KCNH7: variants seen among roughly 807,000 people sequenced by gnomAD.
The protein encoded by KCNH7 is potassium voltage-gated channel subfamily H member 7, also known as voltage-gated inwardly rectifying potassium channel KCNH7.
Under a neutral mutation model 120.8 loss-of-function variants are expected in KCNH7, and 49 were observed. The ratio of observed to expected loss-of-function variants is 0.41; its 90% CI spans 0.32 to 0.51. The LOEUF (loss-of-function observed/expected upper bound fraction) is 0.51. KCNH7 is among the 20% of genes least tolerant of loss of function. The pLI, the probability that KCNH7 is intolerant of heterozygous loss-of-function variation, is 0.38. For synonymous variants in KCNH7, 547 were observed against 516.1 expected, an observed-to-expected ratio of 1.06 and a Z score of -0.81; for missense variants, 1,097 against 1,446.6, an observed-to-expected ratio of 0.76 and a Z score of 3.92.
chr2:162,387,911 T>C (rs78526662), intron 12 of KCNH7, among the ~76,000 whole-genome samples: 8 of 151,810 alleles, frequency 5.3e-5, no homozygotes, highest in Non-Finnish European at 1.2e-4. Flanking sequence ...GTTTACCATT[T>C]CTATTTGTCG....
intron 2 of KCNH7, among the ~76,000 whole-genome samples, chr2:162,695,547 C>A (rs1422590894): frequency 6.6e-6 from 1 of 152,186 alleles, no homozygotes; most frequent in Admixed American, 6.5e-5. Flanking sequence ...TGAGGAAAGT[C>A]ACTGGGCATC....
At chr2:162,664,268 G>T (rs1685063260) in intron 2 of KCNH7, among the ~76,000 whole-genome samples, 2 of 152,078 alleles carry the variant, frequency 1.3e-5, no homozygotes, top group South Asian at 4.1e-4. Flanking sequence ...TTTAATTTTA[G>T]AGGATTCTTA....
At chr2:162,445,885 A>G in intron 7 of KCNH7, 133 bp downstream of exon 7, 2 of 695,582 alleles carry the variant, frequency 2.9e-6, no homozygotes, top group Non-Finnish European at 4.7e-6. Flanking sequence ...ATTCTGTAGT[A>G]TCCCCAATTG....
At chr2:162,389,076 G>T (rs542304985) in intron 12 of KCNH7, among the ~76,000 whole-genome samples, 1 of 151,856 alleles carries the variant, frequency 6.6e-6, no homozygotes, top group Non-Finnish European at 1.5e-5. Context: ...CCATCTCTTC[G>T]GTTGTTACAG....
chr2:162,401,364 C>G (rs964600204), intron 9 of KCNH7, among the ~76,000 whole-genome samples: 2 of 151,836 alleles, frequency 1.3e-5, no homozygotes, highest in African/African-American at 4.8e-5. Context: ...CCTACCAGTA[C>G]AAGCAGACTC....
chr2:162,620,896 C>T lies in KCNH7; in HGVS notation c.308-83816G>A, dbSNP rs80093065. Among the ~76,000 whole-genome samples, 701 of 152,136 alleles carry T rather than the reference C, an allele frequency of 4.6e-3. 7 individuals carry two copies. The highest frequency in any genetic ancestry group is 0.016 in the African/African-American group (671 of 41,522). On this transcript the variant is annotated intron_variant, in intron 2 of 15. Coordinates refer to ENST00000332142, the MANE Select transcript of KCNH7 (RefSeq NM_033272.4). ...CCTAGCATAAGTATGACAGATTATC[C>T]GAACTGGGACACATTTGAGAAACAG...
At chr2:162,612,765 T>C (rs923610539) in intron 2 of KCNH7, among the ~76,000 whole-genome samples, 21 of 151,906 alleles carry the variant, frequency 1.4e-4, no homozygotes, top group Non-Finnish European at 2.9e-4. Context: ...GAAAAATAGA[T>C]TGAAACACAG....
At chr2:162,705,106 C>T (rs866764497) in intron 2 of KCNH7, among the ~76,000 whole-genome samples, 10 of 151,926 alleles carry the variant, frequency 6.6e-5, no homozygotes, top group African/African-American at 1.5e-4. Context: ...AAAAGAAAAA[C>T]GGATGCAATA....
intron 2 of KCNH7, among the ~76,000 whole-genome samples, chr2:162,737,104 G>A (rs1168014866): frequency 1.3e-5 from 2 of 152,166 alleles, no homozygotes; most frequent in Admixed American, 1.3e-4. Context: ...AGAGGATCAT[G>A]TGTACAACTT....
At chr2:162,390,344 G>A (rs1030281082) in intron 12 of KCNH7, among the ~76,000 whole-genome samples, 31 of 150,432 alleles carry the variant, frequency 2.1e-4, no homozygotes, top group Non-Finnish European at 4.1e-4. Context: ...CATTATACAT[G>A]CTATTTTACA....
intron 2 of KCNH7, among the ~76,000 whole-genome samples, chr2:162,787,433 C>T (rs148916334): frequency 1.3e-5 from 2 of 152,020 alleles, no homozygotes; most frequent in East Asian, 2.0e-4. Flanking sequence ...GGATCCAGGA[C>T]CAACCCGGTG....
chr2:162,616,569 T>C (rs1161148035), intron 2 of KCNH7, among the ~76,000 whole-genome samples: 2 of 152,076 alleles, frequency 1.3e-5, no homozygotes, highest in African/African-American at 4.8e-5. Context: ...TCCCTTCCAG[T>C]TTTCCTGCAC....
At chr2:162,679,672 T>C (rs1353596988) in intron 2 of KCNH7, among the ~76,000 whole-genome samples, 1 of 151,686 alleles carries the variant, frequency 6.6e-6, no homozygotes, top group Non-Finnish European at 1.5e-5. Context: ...ATCCATTCAT[T>C]AACCTGAGAG....
Position 162,676,551 on chromosome 2 carries a change from A to G in KCNH7, c.308-139471T>C, listed in dbSNP as rs1574253315. 2.0e-5 allele frequency among the ~76,000 whole-genome samples: 3 copies of G among 151,580 alleles called. No homozygotes were observed. The South Asian group carries it at 6.2e-4, about 31-fold the overall frequency. The stretch of plus-strand genomic sequence containing the variant: ...CAGTATCTGAAAAGGGACAAAATAG[A>G]AAGAACCAATTGAACCTTCCCTAGC... On this transcript the variant is annotated intron_variant, in intron 2 of 15. Transcript: ENST00000332142.
rs183477423 is a variant in KCNH7 at position 162,384,765 on chromosome 2, G to T, written c.2885C>A (p.Ala962Glu). The change falls in exon 13 of 16, where the codon GCA becomes GAA. Residue 962 changes from alanine to glutamate, a missense_variant. Around this residue, in one of 8 missense-constraint regions of KCNH7, gnomAD observed 406 missense variants for 410.5 expected, o/e 0.99. Transcript: ENST00000332142. ...TGTTTCTTCAAAATCGAGCCCAGATGCTTTCCCTATTCCTGGAGAAGAGTC... is the reference window on the plus strand; with the variant it reads ...TGTTTCTTCAAAATCGAGCCCAGATTCTTTCCCTATTCCTGGAGAAGAGTC... ...IVDSSPGIGK[A>E]SGLDFEETVP... The T allele has an allele frequency of 1.4e-5, 23 of 1,612,714 alleles. 1 individual carries two copies. In the Admixed American group the frequency reaches 2.2e-4, roughly 15 times the overall value.
At chr2:162,688,669 A>G (rs1349405694) in intron 2 of KCNH7, among the ~76,000 whole-genome samples, 1 of 151,668 alleles carries the variant, frequency 6.6e-6, no homozygotes, top group Non-Finnish European at 1.5e-5. Flanking sequence ...TGGTATAGGT[A>G]TTTTTAATAT....
intron 2 of KCNH7, among the ~76,000 whole-genome samples, chr2:162,713,867 G>A (rs1367990911): frequency 6.6e-6 from 1 of 152,094 alleles, no homozygotes; most frequent in Non-Finnish European, 1.5e-5. Context: ...TCCTGCCTCA[G>A]CCTCCCGGGT....
chr2:162,420,187 C>A lies in KCNH7; in HGVS notation c.2154+3149G>T, dbSNP rs144061429. ...GATCAGGAGGCCAAGACCATCCTGG[C>A]CAACATGGTGAAAGCCTATCTCTAC... is the stretch of plus-strand genomic sequence containing the variant. On this transcript the variant is annotated intron_variant, in intron 9 of 15. Transcript: ENST00000332142. Among the ~76,000 whole-genome samples, 16 of 152,148 alleles carry A rather than the reference C, an allele frequency of 1.1e-4. No individual in the cohort carries two copies. The East Asian group carries it at 2.5e-3, about 24-fold the overall frequency.
chr2:162,649,695 A>G (rs1226854422), intron 2 of KCNH7, among the ~76,000 whole-genome samples: 1 of 152,096 alleles, frequency 6.6e-6, no homozygotes. Flanking sequence ...TACCAGAGAG[A>G]GAGAGAGGGA....
Sources: gnomAD v4.1 joint callset for allele counts (sites outside exome capture counted in the v4.1 genomes callset) on GRCh38, gnomAD v4.1.1 for gene constraint, gnomAD v4.1.1 regional missense constraint, MANE v1.5 for transcripts, NCBI Gene and HGNC (gene_info 2026-07-23, HGNC 2026-07-21) for gene names.